FBRSL1: variants seen among roughly 807,000 people sequenced by gnomAD.
The protein encoded by FBRSL1 is fibrosin like 1.
In FBRSL1, 51 loss-of-function variants were observed where a neutral mutation model predicts 89.6. The observed-to-expected ratio is 0.57, with a 90% confidence interval of 0.45 to 0.72. The LOEUF (loss-of-function observed/expected upper bound fraction) is 0.72. FBRSL1 is among the 30% of genes least tolerant of loss of function. FBRSL1 has a pLI of 0.00. For missense variants in FBRSL1, 1,618 were observed against 1,451.8 expected, an observed-to-expected ratio of 1.11 and a Z score of -1.86; for synonymous variants, 779 against 681.1, an observed-to-expected ratio of 1.14 and a Z score of -2.24.
Position 132,583,431 on chromosome 12 carries a change from C to G in FBRSL1, c.2662C>G (p.Arg888Gly). The change falls in exon 19 of 19, where the codon CGC (arginine) becomes GGC (glycine). Residue 888 changes from arginine (R) to glycine (G), a missense_variant. Coordinates refer to ENST00000680143, the MANE Select transcript of FBRSL1 (RefSeq NM_001367871.1). The stretch of plus-strand genomic sequence containing the variant: ...GCCCCCGGAGCGCCCCTACCGCGAC[C>G]GCGAGCCCCACGGCTACAGCCCCGA... ...LEPPERPYRDREPHGYSPERL... is the reference protein window; with the variant it reads ...LEPPERPYRDGEPHGYSPERL... 1 of 1,073,798 alleles carries G rather than the reference C, an allele frequency of 9.3e-7. No homozygotes were observed. Among genetic ancestry groups the G allele is most frequent in the Non-Finnish European group, 1.1e-6 (1 of 885,170 alleles). 66.5% of individuals were successfully genotyped at this position (1,073,798 alleles called of 1,614,324 possible).
chr12:132,512,162 C>T (rs896105485), intron 2 of FBRSL1, among the ~76,000 whole-genome samples: 1 of 152,246 alleles, frequency 6.6e-6, no homozygotes, highest in South Asian at 2.1e-4. Flanking sequence ...CACCGGCCTC[C>T]AGATCCCCCC....
At chr12:132,571,986 C>T (rs1356962258) in intron 9 of FBRSL1, 2 of 487,838 alleles carry the variant, frequency 4.1e-6, no homozygotes, top group Non-Finnish European at 7.2e-6. Flanking sequence ...GTCCCCAGCG[C>T]GACCCAGCAG....
chr12:132,543,842 C>T (rs1042867308), intron 4 of FBRSL1, among the ~76,000 whole-genome samples: 22 of 152,224 alleles, frequency 1.4e-4, no homozygotes, highest in South Asian at 4.1e-4. Context: ...AGCCCCACTG[C>T]GGCTCTCACA....
intron 4 of FBRSL1, among the ~76,000 whole-genome samples, chr12:132,531,394 TGTGTGTGC>T (rs1006177771): frequency 6.6e-6 from 1 of 150,672 alleles, no homozygotes; most frequent in African/African-American, 2.5e-5. Context: ...TGTGTGTATG[TGTGTGTGC>T]GTGCATGTGT....
chr12:132,581,186 C>A (rs1368809178), intron 15 of FBRSL1: 40 of 973,732 alleles, frequency 4.1e-5, no homozygotes, highest in Non-Finnish European at 4.4e-5. Context: ...GCATCGCACT[C>A]AGCACCTCCC....
intron 15 of FBRSL1, among the ~76,000 whole-genome samples, chr12:132,577,599 C>T (rs1489332957): frequency 6.6e-6 from 1 of 151,974 alleles, no homozygotes; most frequent in Admixed American, 6.5e-5. Flanking sequence ...CGAGGGCCTC[C>T]CTGCCCTCAG....
intron 6 of FBRSL1, among the ~76,000 whole-genome samples, chr12:132,569,609 C>T (rs968796230): frequency 6.6e-6 from 1 of 152,172 alleles, no homozygotes; most frequent in Non-Finnish European, 1.5e-5. Context: ...CATAGCAGCC[C>T]CTGTCCAGGG....
At chr12:132,505,620 C>G (rs966120824) in intron 1 of FBRSL1, among the ~76,000 whole-genome samples, 3 of 152,198 alleles carry the variant, frequency 2.0e-5, no homozygotes, top group African/African-American at 7.2e-5. Context: ...AGTGACTGAG[C>G]GACTGGGCAG....
At chr12:132,521,822 T>C (rs893475923) in intron 2 of FBRSL1, among the ~76,000 whole-genome samples, 2 of 152,176 alleles carry the variant, frequency 1.3e-5, no homozygotes, top group African/African-American at 4.8e-5. Context: ...CACCTTCTGC[T>C]CAGTTTGCAC....
intron 1 of FBRSL1, among the ~76,000 whole-genome samples, chr12:132,506,711 G>A (rs2033727251): frequency 6.6e-6 from 1 of 152,394 alleles, no homozygotes; most frequent in African/African-American, 2.4e-5. Context: ...GCCTGGGATG[G>A]GCAGCCCTGA....
At chr12:132,520,289 G>A (rs1458547973) in intron 2 of FBRSL1, among the ~76,000 whole-genome samples, 4 of 151,986 alleles carry the variant, frequency 2.6e-5, no homozygotes, top group African/African-American at 4.8e-5. Flanking sequence ...TCCAGCAGCT[G>A]TGGGAGAGCT....
intron 1 of FBRSL1, among the ~76,000 whole-genome samples, chr12:132,502,271 C>T (rs1333152209): frequency 1.3e-5 from 2 of 152,178 alleles, no homozygotes; most frequent in Admixed American, 6.5e-5. Context: ...CACTGGTGGC[C>T]GGGGCAGGCT....
intron 15 of FBRSL1, 86 bp downstream of exon 15, chr12:132,577,017 A>G: frequency 6.7e-7 from 1 of 1,482,426 alleles, no homozygotes; most frequent in Non-Finnish European, 9.0e-7. Flanking sequence ...CAGGAGTGAG[A>G]GCGCTCTCTG....
At chr12:132,517,571 T>A (rs1477027070) in intron 2 of FBRSL1, among the ~76,000 whole-genome samples, 1 of 152,192 alleles carries the variant, frequency 6.6e-6, no homozygotes, top group Non-Finnish European at 1.5e-5. Context: ...GGGTGGAGAC[T>A]GTTCTGAGTG....
At chr12:132,569,539 TC>T (rs2039865601) in intron 6 of FBRSL1, among the ~76,000 whole-genome samples, 1 of 152,170 alleles carries the variant, frequency 6.6e-6, no homozygotes, top group Non-Finnish European at 1.5e-5. Context: ...CGTGTTCAAA[TC>T]CAGCTCCCCT....
intron 4 of FBRSL1, among the ~76,000 whole-genome samples, chr12:132,537,754 C>T (rs560748714): frequency 2.6e-5 from 4 of 152,308 alleles, no homozygotes; most frequent in East Asian, 1.9e-4. Context: ...ACAGGCAATG[C>T]GGACTTCAGA....
At chr12:132,513,891 C>T (rs1465104083) in intron 2 of FBRSL1, among the ~76,000 whole-genome samples, 4 of 152,212 alleles carry the variant, frequency 2.6e-5, no homozygotes, top group African/African-American at 4.8e-5. Context: ...GGGGTGTGAG[C>T]GTGGGTGGGC....
In FBRSL1 at chr12:132,541,385, C is replaced by T. The variant is rs182786671; in HGVS notation, c.616-6618C>T. 2.2e-3 allele frequency among the ~76,000 whole-genome samples: 328 copies of T among 152,348 alleles called. 1 individual carries two copies. The highest frequency in any genetic ancestry group is 3.6e-3 in the Non-Finnish European group (247 of 68,026). ...GCCCTGCAGCTCCAGCACCCACACCCGTAACCCCCTGCCCACGAGGGGCCA... is the reference window on the plus strand; with the variant it reads ...GCCCTGCAGCTCCAGCACCCACACCTGTAACCCCCTGCCCACGAGGGGCCA... On this transcript the variant is annotated intron_variant, in intron 4 of 18. Coordinates refer to ENST00000680143, the MANE Select transcript of FBRSL1 (RefSeq NM_001367871.1).
intron 5 of FBRSL1, chr12:132,554,277 C>G (rs558026746): frequency 6.6e-6 from 1 of 152,346 alleles, no homozygotes; most frequent in South Asian, 2.1e-4. Context: ...ACCCCCGGCA[C>G]TTGGAGGAGG....
Sources: gnomAD v4.1 joint callset for allele counts (sites outside exome capture counted in the v4.1 genomes callset) on GRCh38, gnomAD v4.1.1 for gene constraint, MANE v1.5 for transcripts, NCBI Gene and HGNC (gene_info 2026-07-23, HGNC 2026-07-21) for gene names.